The following KREMEN1 variants were observed in gnomAD, a reference collection of about 807,000 sequenced individuals.
KREMEN1 encodes the protein kringle containing transmembrane protein 1.
Under a neutral mutation model 46.5 loss-of-function variants are expected in KREMEN1, and 30 were observed. That is an observed-to-expected ratio of 0.65 (90% CI 0.48 to 0.88). KREMEN1 has a LOEUF of 0.88. KREMEN1 is among the 40% of genes least tolerant of loss of function. The pLI is 0.00. For missense variants in KREMEN1, 533 were observed against 596.9 expected, an observed-to-expected ratio of 0.89 and a Z score of 1.11; for synonymous variants, 214 against 230.6, an observed-to-expected ratio of 0.93 and a Z score of 0.65.
intron 3 of KREMEN1, among the ~76,000 whole-genome samples, chr22:29,100,761 C>T (rs1374318242): frequency 6.6e-6 from 1 of 152,212 alleles, no homozygotes; most frequent in African/African-American, 2.4e-5. Flanking sequence ...ATTGTTTTCA[C>T]AGATGACAGC....
chr22:29,080,158 C>G (rs1472082540), intron 1 of KREMEN1, among the ~76,000 whole-genome samples: 1 of 152,212 alleles, frequency 6.6e-6, no homozygotes, highest in African/African-American at 2.4e-5. Flanking sequence ...AGACTCAAAG[C>G]CTCTATTACT....
chr22:29,129,867 A>G (rs560711868), intron 5 of KREMEN1, among the ~76,000 whole-genome samples: 1 of 152,336 alleles, frequency 6.6e-6, no homozygotes, highest in East Asian at 1.9e-4. Context: ...ACTGTGGGCA[A>G]GCACAACACT....
intron 9 of KREMEN1, chr22:29,154,391 G>T (rs730517): frequency 0.19 from 29,594 of 152,152 alleles, 3,022 homozygotes; most frequent in South Asian, 0.3. Context: ...TGCCTGCAGT[G>T]GATTTCCTTA....
intron 3 of KREMEN1, among the ~76,000 whole-genome samples, chr22:29,120,602 A>C (rs2038337986): frequency 1.7e-5 from 1 of 60,366 alleles, no homozygotes; most frequent in African/African-American, 6.3e-5. Flanking sequence ...GGGAGAAAGG[A>C]GAAGTGATGA....
intron 3 of KREMEN1, among the ~76,000 whole-genome samples, chr22:29,105,978 CA>C (rs1429229233): frequency 6.6e-6 from 1 of 152,056 alleles, no homozygotes; most frequent in Non-Finnish European, 1.5e-5. Flanking sequence ...AAAGTCAGCC[CA>C]AAAAATAGGA....
intron 9 of KREMEN1, among the ~76,000 whole-genome samples, chr22:29,164,749 AAAAAAAAC>A (rs1234813686): frequency 1.3e-5 from 2 of 149,026 alleles, no homozygotes; most frequent in African/African-American, 5.0e-5. Context: ...TCCATCTCAA[AAAAAAAAC>A]AAAAAAAAAA....
At chr22:29,112,853 A>C (rs2038174011) in intron 3 of KREMEN1, among the ~76,000 whole-genome samples, 1 of 152,220 alleles carries the variant, frequency 6.6e-6, no homozygotes, top group Non-Finnish European at 1.5e-5. Flanking sequence ...GTGGGACACG[A>C]TCTAGAAATC....
At chr22:29,148,794 G>A (rs917385586), downstream of KREMEN1, among the ~76,000 whole-genome samples, 3 of 152,122 alleles carry the variant, frequency 2.0e-5, no homozygotes, top group African/African-American at 4.8e-5. Context: ...CAGACTGCTC[G>A]TGCTTTGAGT....
intron 3 of KREMEN1, among the ~76,000 whole-genome samples, chr22:29,110,009 T>C (rs965931982): frequency 6.6e-6 from 1 of 152,254 alleles, no homozygotes; most frequent in African/African-American, 2.4e-5. Flanking sequence ...ATCATTCCTC[T>C]TGAACTTGGA....
chr22:29,132,670 G>T (rs561063727), intron 5 of KREMEN1, among the ~76,000 whole-genome samples: 1 of 152,098 alleles, frequency 6.6e-6, no homozygotes, highest in South Asian at 2.1e-4. Context: ...TTGCCATCTG[G>T]TATATTCCTT....
Position 29,142,116 on chromosome 22 carries a change from C to T in KREMEN1, c.*4C>T. 4 of 1,588,658 alleles carry T rather than the reference C, an allele frequency of 2.5e-6. No individual in the cohort carries two copies. The highest frequency in any genetic ancestry group is 2.6e-6 in the Non-Finnish European group (3 of 1,168,388). Reference sequence around the variant, plus strand: ...CAATCCCCTTGTGAGTGACTAAAAACCCCACTGTGCCTAGGACTTGAGGTC... The same window carrying T: ...CAATCCCCTTGTGAGTGACTAAAAATCCCACTGTGCCTAGGACTTGAGGTC... On this transcript the variant is annotated 3_prime_UTR_variant, in exon 9 of 9. Coordinates refer to ENST00000400335, the MANE Select transcript of KREMEN1 (RefSeq NM_001039570.3).
At chr22:29,115,359 C>A (rs372528169) in intron 3 of KREMEN1, among the ~76,000 whole-genome samples, 1 of 151,754 alleles carries the variant, frequency 6.6e-6, no homozygotes, top group African/African-American at 2.4e-5. Flanking sequence ...GATGGGTGCA[C>A]CAAAATCTCA....
At chr22:29,150,018 G>C (rs142912359), downstream of KREMEN1, among the ~76,000 whole-genome samples, 1 of 152,356 alleles carries the variant, frequency 6.6e-6, no homozygotes, top group East Asian at 1.9e-4. Flanking sequence ...CAGAGAACTG[G>C]GAAGCTTTTG....
Position 29,121,430 on chromosome 22 carries a change from C to T in KREMEN1, c.426C>T (p.Asn142=). 6.2e-7 allele frequency: 1 copy of T among 1,614,096 alleles called. No homozygotes were observed. Among genetic ancestry groups the T allele is most frequent in the Non-Finnish European group, 8.5e-7 (1 of 1,180,000 alleles). The change falls in exon 4 of 9, where the codon AAC becomes AAT. Residue 142 remains asparagine, a synonymous_variant. Coordinates refer to ENST00000400335, the MANE Select transcript of KREMEN1 (RefSeq NM_001039570.3). ...PPLTGTSKTS[N]KLTIQTCISF... ...TAACTGGCACCAGTAAAACGTCCAACAAACTCACCATACAAACTTGCATCA... is the reference window on the plus strand; with the variant it reads ...TAACTGGCACCAGTAAAACGTCCAATAAACTCACCATACAAACTTGCATCA...
intron 5 of KREMEN1, among the ~76,000 whole-genome samples, chr22:29,127,930 A>G (rs6006000): frequency 0.017 from 2,665 of 152,338 alleles, 79 homozygotes; most frequent in African/African-American, 0.061. Flanking sequence ...GAGGCATGCT[A>G]CAACATGGAT....
chr22:29,094,474 C>T, intron 2 of KREMEN1, 54 bp downstream of exon 2: 2 of 1,472,696 alleles, frequency 1.4e-6, no homozygotes, highest in Non-Finnish European at 1.8e-6. Context: ...CTAGTCTCTT[C>T]TTCCAACCCC....
intron 9 of KREMEN1, among the ~76,000 whole-genome samples, chr22:29,155,933 T>C (rs1391297851): frequency 6.7e-6 from 1 of 149,738 alleles, no homozygotes; most frequent in Non-Finnish European, 1.5e-5. Flanking sequence ...CATTCCAGCC[T>C]GGGCAACAAG....
intron 7 of KREMEN1, among the ~76,000 whole-genome samples, chr22:29,139,938 G>A (rs745915942): frequency 1.3e-5 from 2 of 152,200 alleles, no homozygotes; most frequent in Non-Finnish European, 2.9e-5. Context: ...AGGAAACTGA[G>A]GCCCAAAGAG....
At chr22:29,156,669 A>C (rs1294169515) in intron 9 of KREMEN1, among the ~76,000 whole-genome samples, 1 of 152,206 alleles carries the variant, frequency 6.6e-6, no homozygotes, top group Non-Finnish European at 1.5e-5. Context: ...ATTCCAGATG[A>C]AGGGCTGTGA....
Sources: gnomAD v4.1 joint callset for allele counts (sites outside exome capture counted in the v4.1 genomes callset) on GRCh38, gnomAD v4.1.1 for gene constraint, MANE v1.5 for transcripts, NCBI Gene and HGNC (gene_info 2026-07-23, HGNC 2026-07-21) for gene names.